The following CDK13 variants were observed in gnomAD, a reference collection of about 807,000 sequenced individuals.
CDK13 encodes cyclin dependent kinase 13, also known as cyclin-dependent kinase 13.
CDK13 carries 40 observed loss-of-function variants against 137.6 expected under a neutral mutation model. That is an observed-to-expected ratio of 0.29 (90% CI 0.23 to 0.38). The LOEUF is 0.38. Ranked by LOEUF, CDK13 falls within the 10% of genes least tolerant of loss-of-function variation. The pLI is 1.00. For missense variants in CDK13, 1,704 were observed against 1,951.8 expected (o/e 0.87, Z 2.39); for synonymous variants, 869 against 760.1 (o/e 1.14, Z -2.36).
chr7:39,955,529 G>A (rs1787380498), intron 1 of CDK13, among the ~76,000 whole-genome samples: 1 of 152,016 alleles, frequency 6.6e-6, no homozygotes, highest in African/African-American at 2.4e-5. Context: ...GCATTCAGGG[G>A]CGCTGGCCAC....
intron 5 of CDK13, among the ~76,000 whole-genome samples, chr7:40,037,096 A>G (rs186206674): frequency 2.6e-4 from 39 of 152,258 alleles, no homozygotes; most frequent in South Asian, 6.2e-4. Context: ...TTTGGGTGTT[A>G]GTTAGCTTGT....
chr7:40,076,438 A>G (rs987304985), intron 9 of CDK13, among the ~76,000 whole-genome samples: 5 of 152,154 alleles, frequency 3.3e-5, no homozygotes, highest in African/African-American at 9.7e-5. Flanking sequence ...TAGCATAGAC[A>G]TGAAGGAGTG....
chr7:40,068,235 A>C (rs1169624916), intron 9 of CDK13, among the ~76,000 whole-genome samples: 1 of 152,156 alleles, frequency 6.6e-6, no homozygotes, highest in Non-Finnish European at 1.5e-5. Flanking sequence ...CAAGAAAGGT[A>C]TCTCCCTTTA....
At chr7:39,979,216 C>CTTTTTTTT (rs71560152) in intron 1 of CDK13, among the ~76,000 whole-genome samples, 4 of 130,898 alleles carry the variant, frequency 3.1e-5, no homozygotes, top group Non-Finnish European at 6.4e-5. Flanking sequence ...TCTTTTTTTT[C>CTTTTTTTT]TTTTTTTTTT....
At chr7:40,023,008 TA>T (rs1028038860) in intron 5 of CDK13, among the ~76,000 whole-genome samples, 20 of 152,130 alleles carry the variant, frequency 1.3e-4, no homozygotes, top group Admixed American at 1.2e-3. Context: ...TCAGAACTGT[TA>T]AATCTTGTTT....
chr7:40,034,025 A>G (rs568964233), intron 5 of CDK13, among the ~76,000 whole-genome samples: 23 of 152,222 alleles, frequency 1.5e-4, no homozygotes, highest in Non-Finnish European at 3.1e-4. Flanking sequence ...GGCCTTGTTA[A>G]GGACAGAATG....
chr7:40,080,622 A>G (rs1474293335), intron 11 of CDK13, among the ~76,000 whole-genome samples: 5 of 152,224 alleles, frequency 3.3e-5, no homozygotes, highest in Non-Finnish European at 7.4e-5. Context: ...CTTTTTTCTT[A>G]GTGTGTATCA....
In CDK13 at chr7:40,060,522, G is replaced by T. The variant is rs191152759; in HGVS notation, c.2601-2304G>T. Among the ~76,000 whole-genome samples, 174 of 152,210 alleles carry T rather than the reference G, an allele frequency of 1.1e-3. 1 individual carries two copies. Among genetic ancestry groups the T allele is most frequent in the Admixed American group, 2.6e-3 (39 of 15,280 alleles). On this transcript the variant is annotated intron_variant, in intron 7 of 13. Transcript: ENST00000181839. The stretch of plus-strand genomic sequence containing the variant: ...AAGTTAGAGGGCAATATACATTAAG[G>T]TGCCTGACCTGTGCCCAGCATTGTT...
At chr7:40,018,802 CAG>C (rs1562731564) in intron 5 of CDK13, among the ~76,000 whole-genome samples, 1 of 152,050 alleles carries the variant, frequency 6.6e-6, no homozygotes, top group Non-Finnish European at 1.5e-5. Context: ...ACTCGGGTGA[CAG>C]GGGCACTAAA....
In CDK13 at chr7:40,074,839, A is replaced by T. The variant is rs536696052; in HGVS notation, c.2781-3166A>T. On this transcript the variant is annotated intron_variant, in intron 9 of 13. Transcript: ENST00000181839. ...TGTGTCTATTTAAAAAAAAAAACAA[A>T]ATATTTAAAAAACAAAAAGCCCGTA... Among the ~76,000 whole-genome samples, 369 of 152,130 alleles carry T rather than the reference A, an allele frequency of 2.4e-3. 1 individual carries two copies. The highest frequency in any genetic ancestry group is 8.7e-3 in the African/African-American group (360 of 41,512).
At chr7:40,031,303 C>G (rs1462567107) in intron 5 of CDK13, among the ~76,000 whole-genome samples, 1 of 152,152 alleles carries the variant, frequency 6.6e-6, no homozygotes, top group East Asian at 1.9e-4. Context: ...GGGCGGATCA[C>G]TTGAGGTCAG....
intron 11 of CDK13, among the ~76,000 whole-genome samples, chr7:40,079,122 T>A (rs1375255500): frequency 6.6e-6 from 1 of 152,028 alleles, no homozygotes; most frequent in African/African-American, 2.4e-5. Flanking sequence ...ATTTCAACTC[T>A]AAGAAAATAT....
chr7:40,042,129 T>C (rs1785619451), intron 5 of CDK13, among the ~76,000 whole-genome samples: 1 of 152,054 alleles, frequency 6.6e-6, no homozygotes, highest in South Asian at 2.1e-4. Context: ...TTGGTCTGTC[T>C]CCCAGGCTGG....
At chr7:40,079,915 G>A (rs907817418) in intron 11 of CDK13, among the ~76,000 whole-genome samples, 1 of 152,126 alleles carries the variant, frequency 6.6e-6, no homozygotes, top group Non-Finnish European at 1.5e-5. Context: ...GGGGAGTAGG[G>A]GGGAAGGAAA....
In CDK13 at chr7:39,993,386, T is replaced by A. The variant is rs114032770; in HGVS notation, c.1872-4108T>A. On this transcript the variant is annotated intron_variant, in intron 2 of 13. Coordinates refer to ENST00000181839, the MANE Select transcript of CDK13 (RefSeq NM_003718.5). ...CCGAAATTTGGCCAGTGGAAGCTCC[T>A]ATAAGCTGACTCCTTTATTCTTTTG... 7.8e-3 allele frequency among the ~76,000 whole-genome samples: 1,184 copies of A among 152,326 alleles called. 14 individuals carry two copies. The highest frequency in any genetic ancestry group is 0.027 in the African/African-American group (1,126 of 41,580).
chr7:40,065,684 C>T (rs768632328), intron 9 of CDK13, among the ~76,000 whole-genome samples: 2 of 151,950 alleles, frequency 1.3e-5, no homozygotes, highest in Non-Finnish European at 2.9e-5. Context: ...CTTAAATATA[C>T]TACTAAATAA....
intron 5 of CDK13, among the ~76,000 whole-genome samples, chr7:40,040,497 CTTAA>C (rs1486279719): frequency 1.3e-5 from 2 of 152,088 alleles, no homozygotes; most frequent in Non-Finnish European, 2.9e-5. Flanking sequence ...CTTTGCTATT[CTTAA>C]TTATTTTTCT....
intron 11 of CDK13, among the ~76,000 whole-genome samples, chr7:40,081,697 G>T (rs746588321): frequency 6.6e-6 from 1 of 151,956 alleles, no homozygotes; most frequent in Non-Finnish European, 1.5e-5. Context: ...TTTATTTATT[G>T]ATTGATTGAT....
In CDK13 at chr7:40,057,368, A is replaced by C. The variant is rs192792623; in HGVS notation, c.2601-5458A>C. ...CTTCAATACAGCTATTCAGAGAAGA[A>C]GACTGGAAGATCTGTCATCTTCTAC... On this transcript the variant is annotated intron_variant, in intron 7 of 13. Transcript: ENST00000181839. Among the ~76,000 whole-genome samples the C allele has an allele frequency of 2.0e-5, 3 of 152,358 alleles. No homozygotes were observed. In the East Asian group the frequency reaches 5.8e-4, roughly 29 times the overall value.
Sources: gnomAD v4.1 joint callset for allele counts (sites outside exome capture counted in the v4.1 genomes callset) on GRCh38, gnomAD v4.1.1 for gene constraint, MANE v1.5 for transcripts, NCBI Gene and HGNC (gene_info 2026-07-23, HGNC 2026-07-21) for gene names.